The following TMCC3 variants were observed in gnomAD, a reference collection of about 807,000 sequenced individuals.
TMCC3 encodes transmembrane and coiled-coil domain family 3, also known as transmembrane and coiled-coil domain protein 3.
A neutral mutation model predicts 40.2 loss-of-function variants in TMCC3; 28 were observed. The observed-to-expected ratio is 0.70, with a 90% CI of 0.52 to 0.95. The LOEUF is 0.95. Among genes scored for constraint, TMCC3 ranks in the 40% least tolerant of loss-of-function variants. The probability of loss-of-function intolerance (pLI) is 0.00; values close to 1 mark genes in which losing one functional copy is unlikely to be tolerated. For synonymous variants in TMCC3, 255 were observed against 248.5 expected (o/e 1.03, Z -0.25); for missense variants, 554 against 615.2 (o/e 0.90, Z 1.05).
chr12:94,626,397 T>C (rs2068904306), intron 1 of TMCC3, among the ~76,000 whole-genome samples: 2 of 152,166 alleles, frequency 1.3e-5, no homozygotes, highest in Non-Finnish European at 2.9e-5. Flanking sequence ...AAGATAAATT[T>C]TGAAACACAG....
rs1340236127 is a variant in TMCC3 at position 94,571,095 on chromosome 12, G to C, written c.*340C>G. On this transcript the variant is annotated 3_prime_UTR_variant, in exon 4 of 4. Transcript: ENST00000261226. ...AATTGTGAAGCTCAATTCTGACAGA[G>C]ACTTAGGAGAGAGACCTCTTTCTTC... 1 of 276,446 alleles carries C rather than the reference G, an allele frequency of 3.6e-6. No homozygotes were observed. The highest frequency in any genetic ancestry group is 4.9e-5 in the Admixed American group (1 of 20,514). 17.1% of individuals were successfully genotyped at this position (276,446 alleles called of 1,614,324 possible). A position where few individuals can be genotyped will look rare whatever the true frequency, so the allele number is the denominator to read the frequency against.
chr12:94,581,622 C>T lies in TMCC3; in HGVS notation c.995G>A (p.Arg332Lys). ...ISQTLQEERY[R>K]YERLEDQLHD... is the part of the protein sequence containing the mutation. ...ACGCCAATGGAATACTTTGAAATACCTGTATCTTTCCTCTTGCAGGGTCTG... is the reference window on the plus strand; with the variant it reads ...ACGCCAATGGAATACTTTGAAATACTTGTATCTTTCCTCTTGCAGGGTCTG... The change falls in exon 2 of 4, where the codon AGG (arginine) becomes AAG (lysine). Residue 332 changes from arginine to lysine, a missense_variant and splice_region_variant. Coordinates refer to ENST00000261226, the MANE Select transcript of TMCC3 (RefSeq NM_020698.4). The T allele has an allele frequency of 1.4e-6, 2 of 1,479,074 alleles. No homozygotes were observed. The highest frequency in any genetic ancestry group is 1.8e-6 in the Non-Finnish European group (2 of 1,106,868). The allele number at this position is 1,479,074 out of a possible 1,614,324, so 91.6% of individuals were successfully genotyped here. A position where few individuals can be genotyped will look rare whatever the true frequency, so the allele number is the denominator to read the frequency against.
In TMCC3 at chr12:94,568,679, T is replaced by G. The variant is rs1389363967; in HGVS notation, c.*2756A>C. 6.6e-6 allele frequency: 1 copy of G among 152,254 alleles called. No individual in the cohort carries two copies. The highest frequency in any genetic ancestry group is 2.4e-5 in the African/African-American group (1 of 41,470). 9.4% of individuals were successfully genotyped at this position (152,254 alleles called of 1,614,324 possible). ...GTTTATTCCTTAAGAGAGAATAAAC[T>G]GCAGAGATTAAAAGTTTCCTTCGAG... is the stretch of plus-strand genomic sequence containing the variant. On this transcript the variant is annotated 3_prime_UTR_variant, in exon 4 of 4. Transcript: ENST00000261226.
At chr12:94,590,695 T>C (rs1457182405) in intron 1 of TMCC3, 2 of 292,408 alleles carry the variant, frequency 6.8e-6, no homozygotes, top group Non-Finnish European at 1.3e-5. Context: ...GGTACCTTTG[T>C]GTGTTCTCCC....
At chr12:94,612,529 C>G (rs2068822666) in intron 1 of TMCC3, among the ~76,000 whole-genome samples, 1 of 152,108 alleles carries the variant, frequency 6.6e-6, no homozygotes, top group African/African-American at 2.4e-5. Context: ...CCAGGCTGGT[C>G]ACGATCTCTT....
chr12:94,572,640 T>C (rs1212217915), intron 3 of TMCC3, among the ~76,000 whole-genome samples: 2 of 152,138 alleles, frequency 1.3e-5, no homozygotes, highest in Non-Finnish European at 2.9e-5. Flanking sequence ...AATAAAGTGA[T>C]ATAAAATATT....
At chr12:94,595,372 C>T (rs1746945056) in intron 1 of TMCC3, among the ~76,000 whole-genome samples, 1 of 152,118 alleles carries the variant, frequency 6.6e-6, no homozygotes, top group African/African-American at 2.4e-5. Flanking sequence ...ACTGCGACTT[C>T]CCCATCCCCA....
intron 1 of TMCC3, among the ~76,000 whole-genome samples, chr12:94,640,248 G>T (rs1333909772): frequency 6.6e-6 from 1 of 152,162 alleles, no homozygotes; most frequent in Admixed American, 6.5e-5. Context: ...GCTCACTGCA[G>T]CCTCACCCCT....
intron 1 of TMCC3, among the ~76,000 whole-genome samples, chr12:94,592,280 TATTC>T (rs1307003309): frequency 1.5e-4 from 23 of 152,160 alleles, no homozygotes; most frequent in Admixed American, 1.0e-3. Flanking sequence ...ATAAAGGTTT[TATTC>T]CTCGCATCCC....
At chr12:94,594,198 A>AATATATATAT (rs59083165) in intron 1 of TMCC3, among the ~76,000 whole-genome samples, 22 of 145,494 alleles carry the variant, frequency 1.5e-4, no homozygotes, top group African/African-American at 5.6e-4. Context: ...TTTAAATTTA[A>AATATATATAT]ATATATATAT....
chr12:94,640,535 T>A (rs544314492), intron 1 of TMCC3, among the ~76,000 whole-genome samples: 43 of 152,266 alleles, frequency 2.8e-4, no homozygotes, highest in African/African-American at 9.9e-4. Flanking sequence ...AGAAGATATA[T>A]AGCTAGAATA....
At chr12:94,602,019 A>T (rs892345764) in intron 1 of TMCC3, among the ~76,000 whole-genome samples, 2 of 152,154 alleles carry the variant, frequency 1.3e-5, no homozygotes, top group Non-Finnish European at 2.9e-5. Context: ...TTACTCATCA[A>T]ATTTATTTCA....
At chr12:94,632,310 T>C (rs2068937782) in intron 1 of TMCC3, among the ~76,000 whole-genome samples, 1 of 152,230 alleles carries the variant, frequency 6.6e-6, no homozygotes, top group South Asian at 2.1e-4. Flanking sequence ...TTTATCTCAA[T>C]AAATATTGAC....
intron 1 of TMCC3, among the ~76,000 whole-genome samples, chr12:94,594,568 G>A (rs565166534): frequency 1.3e-5 from 2 of 152,214 alleles, no homozygotes; most frequent in Admixed American, 1.3e-4. Flanking sequence ...TAGGTTTCTG[G>A]CAGTGTCTGT....
chr12:94,606,341 T>C (rs2068782649), intron 1 of TMCC3, among the ~76,000 whole-genome samples: 1 of 151,520 alleles, frequency 6.6e-6, no homozygotes, highest in African/African-American at 2.4e-5. Flanking sequence ...CTTTTTGCCT[T>C]GGGAAAGGAG....
At chr12:94,619,396 C>G (rs1463856767) in intron 1 of TMCC3, among the ~76,000 whole-genome samples, 1 of 152,228 alleles carries the variant, frequency 6.6e-6, no homozygotes, top group Non-Finnish European at 1.5e-5. Context: ...GGATTCCCTA[C>G]TAAGCCAGTC....
intron 1 of TMCC3, among the ~76,000 whole-genome samples, chr12:94,592,485 CA>C (rs11403354): frequency 6.9e-6 from 1 of 145,322 alleles, no homozygotes. Context: ...ACTAAAAATG[CA>C]AAAAAAAATG....
In TMCC3 at chr12:94,569,115, G is replaced by A. The variant is rs1204848163; in HGVS notation, c.*2320C>T. 1 of 152,244 alleles carries A rather than the reference G, an allele frequency of 6.6e-6. No homozygotes were observed. Among genetic ancestry groups the A allele is most frequent in the Non-Finnish European group, 1.5e-5 (1 of 68,062 alleles). 9.4% of individuals were successfully genotyped at this position (152,244 alleles called of 1,614,324 possible). A position where few individuals can be genotyped will look rare whatever the true frequency, so the allele number is the denominator to read the frequency against. On this transcript the variant is annotated 3_prime_UTR_variant, in exon 4 of 4. Coordinates refer to ENST00000261226, the MANE Select transcript of TMCC3 (RefSeq NM_020698.4). ...CTACGTCTTCTTGGACCCTCCCAGA[G>A]CCCTTCACCTCAAGGGTTAGACATC...
At chr12:94,598,811 A>G in intron 1 of TMCC3, 1 of 966,984 alleles carries the variant, frequency 1.0e-6, no homozygotes, top group Non-Finnish European at 1.2e-6. Flanking sequence ...AAAAGAAACG[A>G]CAAAGAAATA....
Sources: gnomAD v4.1 joint callset for allele counts (sites outside exome capture counted in the v4.1 genomes callset) on GRCh38, gnomAD v4.1.1 for gene constraint, MANE v1.5 for transcripts, NCBI Gene and HGNC (gene_info 2026-07-23, HGNC 2026-07-21) for gene names.